RMDN1: variants seen among roughly 807,000 people sequenced by gnomAD.
RMDN1 encodes regulator of microtubule dynamics 1.
In RMDN1, 48 loss-of-function variants were observed where a neutral mutation model predicts 48.9. The ratio of observed to expected loss-of-function variants is 0.98; its 90% CI spans 0.78 to 1.25. The LOEUF (loss-of-function observed/expected upper bound fraction) is 1.25. Ranked by LOEUF, RMDN1 falls within the 50% of genes most tolerant of loss-of-function variation. RMDN1 has a pLI of 0.00. For synonymous variants in RMDN1, 148 were observed against 132.6 expected (o/e 1.12, Z -0.80); for missense variants, 418 against 373.4 (o/e 1.12, Z -0.98).
downstream of RMDN1, chr8:86,470,397 G>T (rs765367134): frequency 1.3e-4 from 166 of 1,284,248 alleles, no homozygotes; most frequent in Non-Finnish European, 1.5e-4. Context: ...TGTGACACGT[G>T]GGGAATCAGG....
chr8:86,505,450 CAT>C (rs1425776445), intron 2 of RMDN1: 28 of 443,460 alleles, frequency 6.3e-5, no homozygotes, highest in Non-Finnish European at 1.2e-4. Context: ...AGAAGATATA[CAT>C]ATGAGTGTGG....
chr8:86,494,085 T>C (rs1816934262), intron 2 of RMDN1, among the ~76,000 whole-genome samples: 1 of 152,052 alleles, frequency 6.6e-6, no homozygotes, highest in African/African-American at 2.4e-5. Context: ...GTTGGTCAAA[T>C]GGTACCAAGT....
intron 2 of RMDN1, among the ~76,000 whole-genome samples, chr8:86,495,408 T>G (rs529705709): frequency 7.2e-6 from 1 of 138,044 alleles, no homozygotes; most frequent in East Asian, 2.8e-4. Flanking sequence ...GAGAGAGAAC[T>G]CTAGTCTTTG....
chr8:86,512,224 AG>A (rs910411715), upstream of RMDN1, among the ~76,000 whole-genome samples: 2 of 152,230 alleles, frequency 1.3e-5, no homozygotes, highest in African/African-American at 2.4e-5. Context: ...TGTAAAGAAA[AG>A]TTTTGAAGGT....
At chr8:86,511,367 A>C (rs1820038166), upstream of RMDN1, among the ~76,000 whole-genome samples, 1 of 151,874 alleles carries the variant, frequency 6.6e-6, no homozygotes, top group Non-Finnish European at 1.5e-5. Context: ...CCAGCTACTC[A>C]GGAGGCTGAG....
At chr8:86,487,609 T>C (rs1458130517) in intron 3 of RMDN1, among the ~76,000 whole-genome samples, 1 of 151,246 alleles carries the variant, frequency 6.6e-6, no homozygotes, top group Non-Finnish European at 1.5e-5. Flanking sequence ...TAAAATAAAA[T>C]AAATAATAAA....
At chr8:86,478,831 C>G in intron 7 of RMDN1, 92 bp downstream of exon 7, 4 of 971,892 alleles carry the variant, frequency 4.1e-6, no homozygotes, top group Non-Finnish European at 6.6e-6. Flanking sequence ...TCAAGTCCCT[C>G]ACTGAATCAG....
At chr8:86,470,467 C>G (rs1296657701), downstream of RMDN1, 2 of 1,212,992 alleles carry the variant, frequency 1.6e-6, no homozygotes, top group East Asian at 1.1e-4. Context: ...GGGAAGGCAC[C>G]ATGTCTTGCA....
chr8:86,495,852 A>G (rs1046824729), intron 2 of RMDN1, among the ~76,000 whole-genome samples: 1 of 152,210 alleles, frequency 6.6e-6, no homozygotes, highest in African/African-American at 2.4e-5. Flanking sequence ...ACACATAGTC[A>G]TCAGATTCTC....
At position 86,472,375 on chromosome 8, in the gene RMDN1, G is replaced by A; in HGVS notation, c.*1933C>T. On this transcript the variant is annotated 3_prime_UTR_variant, in exon 10 of 10. Transcript: ENST00000406452. ...GCAGGTGCACAACACAGTTTATTCG[G>A]TCTCCCTAAAGGAAAAAACCCATTT... is the stretch of plus-strand genomic sequence containing the variant. 1 of 700,190 alleles carries A rather than the reference G, an allele frequency of 1.4e-6. No individual in the cohort carries two copies. The highest frequency in any genetic ancestry group is 1.5e-5 in the South Asian group (1 of 67,108). 43.4% of individuals were successfully genotyped at this position (700,190 alleles called of 1,614,324 possible).
intron 2 of RMDN1, among the ~76,000 whole-genome samples, chr8:86,498,938 A>G (rs1817794517): frequency 6.6e-6 from 1 of 152,192 alleles, no homozygotes; most frequent in African/African-American, 2.4e-5. Context: ...GGGATTCATC[A>G]CAGAAACAGA....
intron 2 of RMDN1, among the ~76,000 whole-genome samples, chr8:86,501,643 T>C (rs1322008458): frequency 6.7e-6 from 1 of 148,830 alleles, no homozygotes; most frequent in Admixed American, 6.7e-5. Flanking sequence ...CACTGTGGCC[T>C]AAGCATCAGA....
intron 2 of RMDN1, among the ~76,000 whole-genome samples, chr8:86,501,752 A>G (rs1447715541): frequency 6.6e-6 from 1 of 152,144 alleles, no homozygotes; most frequent in Non-Finnish European, 1.5e-5. Flanking sequence ...AAATTATTAT[A>G]ATGTGATAAG....
Position 86,477,318 on chromosome 8 carries a change from C to A in RMDN1, c.736G>T (p.Gly246Cys). The change falls in exon 8 of 10, where the codon GGC becomes TGC. Residue 246 changes from glycine to cysteine, a missense_variant. Transcript: ENST00000406452. Reference protein sequence around the residue: ...PPSSTYEKALGYFHRAEQVDP... With the variant: ...PPSSTYEKALCYFHRAEQVDP... ...CCTTGTTCTGCCCTGTGAAAGTAGC[C>A]TAAGGCCTGTCAAAAACACAAAGAG... 6.3e-7 allele frequency: 1 copy of A among 1,595,728 alleles called. No homozygotes were observed. The highest frequency in any genetic ancestry group is 8.5e-7 in the Non-Finnish European group (1 of 1,172,630).
At chr8:86,476,079 A>C (rs1813325599) in intron 8 of RMDN1, among the ~76,000 whole-genome samples, 1 of 152,214 alleles carries the variant, frequency 6.6e-6, no homozygotes, top group Admixed American at 6.5e-5. Flanking sequence ...TAGGCCAGAA[A>C]GAAATAAGGT....
chr8:86,490,120 C>A (rs1035483054), intron 2 of RMDN1, among the ~76,000 whole-genome samples: 1 of 152,042 alleles, frequency 6.6e-6, no homozygotes, highest in Non-Finnish European at 1.5e-5. Context: ...ATATTTTTAT[C>A]GGATACGTGG....
At chr8:86,481,894 C>T (rs780326519) in intron 5 of RMDN1, 3 of 776,252 alleles carry the variant, frequency 3.9e-6, no homozygotes. Context: ...ATATGTTCAA[C>T]AAAGTGGGGT....
intron 2 of RMDN1, chr8:86,504,414 GCT>G: frequency 5.1e-6 from 8 of 1,560,272 alleles, no homozygotes; most frequent in Non-Finnish European, 6.2e-6. Flanking sequence ...TTGTGCTCCA[GCT>G]CTCTCGACAG....
chr8:86,508,161 T>C (rs1819693766), intron 1 of RMDN1: 1 of 272,448 alleles, frequency 3.7e-6, no homozygotes, highest in Non-Finnish European at 6.9e-6. Context: ...CGCTGTTGTA[T>C]CTGTCATCGC....
Sources: gnomAD v4.1 joint callset for allele counts (sites outside exome capture counted in the v4.1 genomes callset) on GRCh38, gnomAD v4.1.1 for gene constraint, MANE v1.5 for transcripts, NCBI Gene and HGNC (gene_info 2026-07-23, HGNC 2026-07-21) for gene names.